SNTG1: variants seen among roughly 807,000 people sequenced by gnomAD.
SNTG1 encodes gamma-1-syntrophin.
In SNTG1, 39 loss-of-function variants were observed where a neutral mutation model predicts 74.7. The observed-to-expected ratio is 0.52, with a 90% CI of 0.40 to 0.68. The LOEUF (loss-of-function observed/expected upper bound fraction) is 0.68. Among genes scored for constraint, SNTG1 ranks in the 30% least tolerant of loss-of-function variants. The pLI is 0.00. For missense variants in SNTG1, 685 were observed against 609.5 expected (o/e 1.12, Z -1.30); for synonymous variants, 254 against 217.1 (o/e 1.17, Z -1.49).
chr8:50,009,518 C>T (rs183712957), intron 1 of SNTG1, among the ~76,000 whole-genome samples: 1 of 151,992 alleles, frequency 6.6e-6, no homozygotes, highest in African/African-American at 2.4e-5. Flanking sequence ...TTTTGTGGTG[C>T]CGTTTAGTTT....
chr8:50,043,256 C>G (rs1198827859), intron 1 of SNTG1, among the ~76,000 whole-genome samples: 1 of 152,122 alleles, frequency 6.6e-6, no homozygotes, highest in Non-Finnish European at 1.5e-5. Context: ...AGGAATATGA[C>G]TTTTTATAAG....
chr8:50,785,312 G>A (rs1365667525), intron 18 of SNTG1, among the ~76,000 whole-genome samples: 2 of 151,726 alleles, frequency 1.3e-5, no homozygotes, highest in African/African-American at 2.4e-5. Context: ...CAAACAGCGA[G>A]AGAGAGAATA....
intron 2 of SNTG1, among the ~76,000 whole-genome samples, chr8:50,280,483 A>T (rs1424209337): frequency 6.6e-6 from 1 of 152,172 alleles, no homozygotes; most frequent in East Asian, 1.9e-4. Context: ...GAGCCAAGTA[A>T]GTGACCATGG....
At chr8:50,558,338 C>T (rs1328642943) in intron 12 of SNTG1, among the ~76,000 whole-genome samples, 1 of 152,098 alleles carries the variant, frequency 6.6e-6, no homozygotes, top group Non-Finnish European at 1.5e-5. Context: ...CTCGCAGAGG[C>T]CTCTTCCCAG....
rs1283638228 is a variant in SNTG1 at position 49,911,455 on chromosome 8, G to C, written c.-879G>C. 6.6e-6 allele frequency: 1 copy of C among 151,780 alleles called. No homozygotes were observed. Among genetic ancestry groups the C allele is most frequent in the African/African-American group, 2.4e-5 (1 of 41,282 alleles). 9.4% of individuals were successfully genotyped at this position (151,780 alleles called of 1,614,324 possible). On this transcript the variant is annotated 5_prime_UTR_variant, in exon 1 of 19. Coordinates refer to ENST00000642720, the MANE Select transcript of SNTG1 (RefSeq NM_018967.5). The stretch of plus-strand genomic sequence containing the variant: ...GCAGGGCCACTGAAAAGTCAGGGGA[G>C]GCTCAGATGTTATTTCCCAGGGATT...
rs142903143 is a variant in SNTG1, at chr8:50,430,694, A to G, written c.163-7849A>G. 1.4e-3 allele frequency among the ~76,000 whole-genome samples: 210 copies of G among 152,298 alleles called. 1 individual carries two copies. The highest frequency in any genetic ancestry group is 4.9e-3 in the African/African-American group (202 of 41,554). On this transcript the variant is annotated intron_variant, in intron 4 of 18. Transcript: ENST00000642720. ...GGCTGCAAGGCAAGTAGATCTCTGC[A>G]CTGTTACTCCTCAGATCCAGGGCTT...
At position 50,780,949 on chromosome 8, in the gene SNTG1, A is replaced by C. The variant is rs187451182; in HGVS notation, c.1396-11722A>C. ...AAAGAACATCTTTATTTCTGCCTTTATTTCATTACGTACCGAGTAGTCATT... is the reference window on the plus strand; with the variant it reads ...AAAGAACATCTTTATTTCTGCCTTTCTTTCATTACGTACCGAGTAGTCATT... On this transcript the variant is annotated intron_variant, in intron 18 of 18. Coordinates refer to ENST00000642720, the MANE Select transcript of SNTG1 (RefSeq NM_018967.5). 5.9e-5 allele frequency among the ~76,000 whole-genome samples: 9 copies of C among 152,152 alleles called. No individual in the cohort carries two copies. The East Asian group carries it at 1.7e-3, about 29-fold the overall frequency.
At chr8:50,571,653 C>A (rs1051006189) in intron 12 of SNTG1, among the ~76,000 whole-genome samples, 12 of 152,302 alleles carry the variant, frequency 7.9e-5, no homozygotes, top group East Asian at 3.9e-4. Flanking sequence ...CAATTGTTAA[C>A]ATGTGAGACT....
intron 8 of SNTG1, among the ~76,000 whole-genome samples, chr8:50,469,016 AGAGTT>A (rs1368487864): frequency 6.6e-6 from 1 of 152,160 alleles, no homozygotes; most frequent in East Asian, 1.9e-4. Flanking sequence ...TTTTATACAA[AGAGTT>A]AAGTTGACAA....
chr8:49,971,469 C>T (rs1466395700), intron 1 of SNTG1, among the ~76,000 whole-genome samples: 1 of 152,186 alleles, frequency 6.6e-6, no homozygotes, highest in Admixed American at 6.5e-5. Flanking sequence ...GACAGATGCC[C>T]TCCCTCACCA....
chr8:50,525,566 T>C (rs937644599), intron 9 of SNTG1, among the ~76,000 whole-genome samples: 1 of 152,076 alleles, frequency 6.6e-6, no homozygotes, highest in African/African-American at 2.4e-5. Context: ...TTCCTAATTC[T>C]AATTTCCTTT....
chr8:50,101,427 ACTT>A (rs1181226992), intron 1 of SNTG1, among the ~76,000 whole-genome samples: 1 of 152,046 alleles, frequency 6.6e-6, no homozygotes, highest in Non-Finnish European at 1.5e-5. Flanking sequence ...TTTCTTCACA[ACTT>A]CTTCAGCATC....
At chr8:50,653,479 C>G (rs146497124) in intron 13 of SNTG1, among the ~76,000 whole-genome samples, 67 of 152,226 alleles carry the variant, frequency 4.4e-4, no homozygotes, top group African/African-American at 1.5e-3. Flanking sequence ...TTCTATTTAC[C>G]TGCTATATAA....
At chr8:50,771,612 A>T (rs2095627355) in intron 18 of SNTG1, among the ~76,000 whole-genome samples, 1 of 147,726 alleles carries the variant, frequency 6.8e-6, no homozygotes, top group African/African-American at 2.7e-5. Flanking sequence ...GGGTCCAGTG[A>T]GTAGTTGCTA....
chr8:49,982,911 A>C (rs1190906340), intron 1 of SNTG1, among the ~76,000 whole-genome samples: 1 of 152,230 alleles, frequency 6.6e-6, no homozygotes, highest in Admixed American at 6.5e-5. Context: ...GATGTAATCC[A>C]ATTCAATTGA....
chr8:50,342,850 G>C (rs757186633), intron 2 of SNTG1, among the ~76,000 whole-genome samples: 13 of 152,134 alleles, frequency 8.5e-5, no homozygotes, highest in African/African-American at 1.7e-4. Flanking sequence ...AGTGGAAAGG[G>C]AGAGCAGTCT....
intron 17 of SNTG1, among the ~76,000 whole-genome samples, chr8:50,716,330 T>C (rs1028756676): frequency 5.3e-5 from 8 of 152,254 alleles, no homozygotes; most frequent in South Asian, 4.1e-4. Context: ...CCTGTGTAAG[T>C]AGAAATCTTC....
At chr8:50,255,251 C>T (rs1441179014) in intron 2 of SNTG1, among the ~76,000 whole-genome samples, 1 of 152,130 alleles carries the variant, frequency 6.6e-6, no homozygotes, top group African/African-American at 2.4e-5. Flanking sequence ...GCATTTGTCA[C>T]ATTTAGCCAT....
At chr8:50,407,080 G>A (rs1279341737) in intron 4 of SNTG1, among the ~76,000 whole-genome samples, 2 of 152,124 alleles carry the variant, frequency 1.3e-5, no homozygotes, top group Non-Finnish European at 2.9e-5. Flanking sequence ...CTTTCACAGT[G>A]CACTGTTTGT....
Sources: allele counts gnomAD v4.1 joint callset (sites outside exome capture counted in the v4.1 genomes callset), GRCh38; gene constraint gnomAD v4.1.1; transcripts MANE v1.5; gene names NCBI Gene and HGNC (gene_info 2026-07-23, HGNC 2026-07-21).